Variants in ADAM11 observed in about 807,000 individuals in gnomAD.
ADAM11 encodes the protein disintegrin and metalloproteinase domain-containing protein 11.
ADAM11 carries 49 observed loss-of-function variants against 119.1 expected under a neutral mutation model. The ratio of observed to expected loss-of-function variants is 0.41; its 90% CI spans 0.33 to 0.52. The LOEUF is 0.52. Among genes scored for constraint, ADAM11 ranks in the 20% least tolerant of loss-of-function variants. ADAM11 has a pLI of 0.20. For missense variants in ADAM11, 777 were observed against 1,047.5 expected (o/e 0.74, Z 3.56); for synonymous variants, 364 against 408.0 (o/e 0.89, Z 1.30).
At position 44,775,322 on chromosome 17, in the gene ADAM11, C is replaced by T. The variant is rs1382052044; in HGVS notation, c.1320+11C>T. 1.2e-6 allele frequency: 2 copies of T among 1,613,572 alleles called. No homozygotes were observed. Among genetic ancestry groups the T allele is most frequent in the East Asian group, 2.2e-5 (1 of 44,884 alleles). On this transcript the variant is annotated intron_variant, in intron 15 of 26. Coordinates refer to ENST00000200557, the MANE Select transcript of ADAM11 (RefSeq NM_002390.6). This position sits in a 1 kb window ranked among gnomAD's most constrained non-coding sequence, Gnocchi z 7.5. ...AACAAGCCCCTCAAGGTACCAGCCC[C>T]GCGGCGGGGAGCATGGGAGCGGGCC...
In ADAM11 at chr17:44,771,678, G is replaced by A. The variant is rs898905561; in HGVS notation, c.467+9G>A. The stretch of plus-strand genomic sequence containing the variant: ...ACCTGCCAGGGGCTGCAGTGAGTAT[G>A]GGGAGGGGCCGGGCAGCTGGGAGAA... On this transcript the variant is annotated intron_variant, in intron 5 of 26. Coordinates refer to ENST00000200557, the MANE Select transcript of ADAM11 (RefSeq NM_002390.6). 3 of 1,612,486 alleles carry A rather than the reference G, an allele frequency of 1.9e-6. No homozygotes were observed. The highest frequency in any genetic ancestry group is 1.7e-6 in the Non-Finnish European group (2 of 1,179,478).
intron 2 of ADAM11, among the ~76,000 whole-genome samples, chr17:44,767,094 C>A (rs990002727): frequency 3.9e-5 from 6 of 152,040 alleles, no homozygotes; most frequent in Admixed American, 3.3e-4. Flanking sequence ...CATGGTGGCT[C>A]ACATTTGCAA....
intron 26 of ADAM11, 63 bp from the exon 27 acceptor site, chr17:44,779,676 G>C: frequency 6.4e-7 from 1 of 1,557,258 alleles, no homozygotes; most frequent in Non-Finnish European, 8.6e-7. Context: ...CCGGGGCCCT[G>C]CTGGGGGGCT....
Position 44,774,316 on chromosome 17 carries a change from G to A in ADAM11, c.1014G>A (p.Thr338=), listed in dbSNP as rs755256005. The A allele has an allele frequency of 1.9e-5, 28 of 1,472,114 alleles. No individual in the cohort carries two copies. Among genetic ancestry groups the A allele is most frequent in the Non-Finnish European group, 2.5e-5 (28 of 1,107,950 alleles). 91.2% of individuals were successfully genotyped at this position (1,472,114 alleles called of 1,614,324 possible). ...CCAGGGGCAGGACCTTCCAGAGCAC[G>A]AGCAGCGGGGCAGCCTACGTGGGGG... is the stretch of plus-strand genomic sequence containing the variant. ...HLFSGRTFQS[T]SSGAAYVGGI... is the part of the protein sequence containing the mutation. Residue 338 remains threonine (T), a synonymous_variant, in exon 12 of 27, where the codon ACG becomes ACA. Coordinates refer to ENST00000200557, the MANE Select transcript of ADAM11 (RefSeq NM_002390.6).
At chr17:44,763,713 TTTTC>T (rs1186401174) in intron 2 of ADAM11, among the ~76,000 whole-genome samples, 1 of 151,592 alleles carries the variant, frequency 6.6e-6, no homozygotes, top group Admixed American at 6.6e-5. Flanking sequence ...GGGGATCTTG[TTTTC>T]TTTCTTTTTT....
Position 44,771,781 on chromosome 17 carries a change from A to G in ADAM11, c.493A>G (p.Thr165Ala), listed in dbSNP as rs753917230. The G allele has an allele frequency of 6.2e-7, 1 of 1,613,554 alleles. No homozygotes were observed. Residue 165 changes from threonine (T) to alanine (A), a missense_variant, in exon 6 of 27, where the codon ACT (threonine) becomes GCT (alanine). Physicochemically the swap from Thr to Ala is moderately conservative, Grantham distance 58. Transcript: ENST00000200557. ...TGGGGTCTTCTCTGATGGGAACTTG[A>G]CTTACATCGTGGAGCCCCAAGAGGT... The part of the protein sequence containing the change: ...LHGVFSDGNL[T>A]YIVEPQEVAG...
Position 44,776,966 on chromosome 17 carries a change from A to T in ADAM11, c.1681+4A>T. On this transcript the variant is annotated splice_donor_region_variant and intron_variant, in intron 20 of 26. Coordinates refer to ENST00000200557, the MANE Select transcript of ADAM11 (RefSeq NM_002390.6). This position sits in a 1 kb window ranked among gnomAD's most constrained non-coding sequence, Gnocchi z 5.2. ...TGCCAGGTTCTTTGGGGCCATGGTG[A>T]GTCTGGCTAGGGCTGGGAGTGGGGA... 6.2e-7 allele frequency: 1 copy of T among 1,611,644 alleles called. No individual in the cohort carries two copies. The highest frequency in any genetic ancestry group is 1.7e-4 in the Middle Eastern group (1 of 6,032).
At position 44,774,548 on chromosome 17, in the gene ADAM11, G is replaced by A. The variant is rs138962756; in HGVS notation, c.1134G>A (p.Leu378=). Residue 378 remains leucine (L), a synonymous_variant, in exon 13 of 27, where the codon CTG becomes CTA. Coordinates refer to ENST00000200557, the MANE Select transcript of ADAM11 (RefSeq NM_002390.6). The part of the protein sequence containing the change: ...VTLAQTLGQN[L]GMMWNKHRSS... ...TTGCCCAGACGCTGGGACAGAACCT[G>A]GGCATGATGTGGAACAAACACCGGA... 3 of 1,613,444 alleles carry A rather than the reference G, an allele frequency of 1.9e-6. No homozygotes were observed. In the African/African-American group the frequency reaches 4.0e-5, roughly 22 times the overall value.
Position 44,772,411 on chromosome 17 carries a change from C to T in ADAM11, c.623C>T (p.Ala208Val), listed in dbSNP as rs777073406. 1 of 1,578,630 alleles carries T rather than the reference C, an allele frequency of 6.3e-7. No individual in the cohort carries two copies. The highest frequency in any genetic ancestry group is 2.3e-5 in the East Asian group (1 of 43,086). ...LGCREPGCLF[A>V]VPAQSAPPNR... ...CCCCTCCCCACAGGCTGCCTGTTTGCTGTGCCTGCCCAGTCGGCTCCTCCA... is the reference window on the plus strand; with the variant it reads ...CCCCTCCCCACAGGCTGCCTGTTTGTTGTGCCTGCCCAGTCGGCTCCTCCA... The change falls in exon 8 of 27, where the codon GCT (alanine) becomes GTT (valine). Residue 208 changes from alanine (A) to valine (V), a missense_variant. This residue lies in a region of ADAM11 where 278 missense variants were observed against 310.1 expected (regional missense o/e 0.90). Transcript: ENST00000200557. This position sits in a 1 kb window ranked among gnomAD's most constrained non-coding sequence, Gnocchi z 4.5.
In ADAM11 at chr17:44,777,643, G is replaced by C. The variant is rs367548156; in HGVS notation, c.1901+42G>C. ...AGACTAGGGAGGGGAGGTTGCAGCT[G>C]TGCTGGGGGTTAGGAGACAGGGGGC... On this transcript the variant is annotated intron_variant, in intron 22 of 26. Transcript: ENST00000200557. This position sits in a 1 kb window ranked among gnomAD's most constrained non-coding sequence, Gnocchi z 5.1. 2.6e-5 allele frequency: 42 copies of C among 1,613,658 alleles called. No individual in the cohort carries two copies. Among genetic ancestry groups the C allele is most frequent in the Non-Finnish European group, 3.4e-5 (40 of 1,179,818 alleles).
Position 44,772,307 on chromosome 17 carries a change from C to T in ADAM11, c.584C>T (p.Pro195Leu), listed in dbSNP as rs1349021367. The T allele has an allele frequency of 6.2e-7, 1 of 1,606,118 alleles. No individual in the cohort carries two copies. Among genetic ancestry groups the T allele is most frequent in the African/African-American group, 1.3e-5 (1 of 74,900 alleles). Residue 195 changes from proline (P) to leucine (L), a missense_variant, in exon 7 of 27, where the codon CCA (proline) becomes CTA (leucine). By Grantham distance (98) the Pro-to-Leu change is moderately conservative (BLOSUM62 -3). Around this residue, in one of 4 missense-constraint regions of ADAM11, gnomAD observed 278 missense variants for 310.1 expected, o/e 0.90. Transcript: ENST00000200557. This position sits in a 1 kb window ranked among gnomAD's most constrained non-coding sequence, Gnocchi z 4.5. ...PHLIYRTPLL[P>L]DPLGCREPGC... ...CTCATTTACCGGACCCCTCTCCTCC[C>T]AGATCCCCTCGGATGCAGGGAACCA...
Position 44,771,682 on chromosome 17 carries a change from A to AG in ADAM11, c.467+17dup. The AG allele has an allele frequency of 1.9e-6, 3 of 1,612,182 alleles. No homozygotes were observed. The highest frequency in any genetic ancestry group is 2.5e-6 in the Non-Finnish European group (3 of 1,179,340). ...GCCAGGGGCTGCAGTGAGTATGGGG[A>AG]GGGGCCGGGCAGCTGGGAGAAGCCT... On this transcript the variant is annotated intron_variant, in intron 5 of 26. Coordinates refer to ENST00000200557, the MANE Select transcript of ADAM11 (RefSeq NM_002390.6).
chr17:44,770,228 G>A (rs563569993), intron 4 of ADAM11, among the ~76,000 whole-genome samples, 180 bp downstream of exon 4: 2 of 152,328 alleles, frequency 1.3e-5, no homozygotes, highest in African/African-American at 4.8e-5. Flanking sequence ...GGCAGCTTGA[G>A]TGCATAGGGC....
chr17:44,777,460 C>G lies in ADAM11; in HGVS notation c.1782-22C>G, dbSNP rs1400881641. 1.2e-6 allele frequency: 2 copies of G among 1,611,202 alleles called. No homozygotes were observed. The highest frequency in any genetic ancestry group is 3.3e-5 in the Admixed American group (2 of 60,000). ...AGTCTGAGGTCAAACTTGGGGCTCA[C>G]TGTCTCTATATGCCCCAACAGGGAC... is the stretch of plus-strand genomic sequence containing the variant. On this transcript the variant is annotated intron_variant, in intron 21 of 26. Coordinates refer to ENST00000200557, the MANE Select transcript of ADAM11 (RefSeq NM_002390.6). The surrounding 1 kb of genome is among the most constrained non-coding windows in gnomAD (Gnocchi z 5.1).
In ADAM11 at chr17:44,781,024, T is replaced by G. The variant is rs1272332896; in HGVS notation, c.*1270T>G. 2 of 152,286 alleles carry G rather than the reference T, an allele frequency of 1.3e-5. No homozygotes were observed. Among genetic ancestry groups the G allele is most frequent in the Admixed American group, 1.3e-4 (2 of 15,246 alleles). 9.4% of individuals were successfully genotyped at this position (152,286 alleles called of 1,614,324 possible). On this transcript the variant is annotated 3_prime_UTR_variant, in exon 27 of 27. Coordinates refer to ENST00000200557, the MANE Select transcript of ADAM11 (RefSeq NM_002390.6). The stretch of plus-strand genomic sequence containing the variant: ...CCCTCATGACCCTTGCTTGGGAGGG[T>G]GGAGCACTGGCTCCTTGACCCTAAA...
intron 11 of ADAM11, 29 bp from the exon 12 acceptor site, chr17:44,774,265 AG>A: frequency 7.0e-7 from 1 of 1,420,184 alleles, no homozygotes; most frequent in Non-Finnish European, 9.3e-7. Context: ...GGAGGGCAGG[AG>A]GCCATCCTGA....
chr17:44,763,672 C>T (rs2049415231), intron 2 of ADAM11, among the ~76,000 whole-genome samples: 1 of 151,858 alleles, frequency 6.6e-6, no homozygotes, highest in Non-Finnish European at 1.5e-5. Flanking sequence ...AATCTGTGGG[C>T]TTATGGGGCC....
chr17:44,766,791 G>A (rs980178357), intron 2 of ADAM11, among the ~76,000 whole-genome samples: 2 of 152,176 alleles, frequency 1.3e-5, no homozygotes, highest in Non-Finnish European at 2.9e-5. Flanking sequence ...GCTGAGGGCT[G>A]GCATGACCTC....
Position 44,777,316 on chromosome 17 carries a change from A to T in ADAM11, c.1781+51A>T. On this transcript the variant is annotated intron_variant, in intron 21 of 26. Coordinates refer to ENST00000200557, the MANE Select transcript of ADAM11 (RefSeq NM_002390.6). This position sits in a 1 kb window ranked among gnomAD's most constrained non-coding sequence, Gnocchi z 5.1. ...CTCTCAGCTCCAGGGCAGGTGTGAG[A>T]CTTTTCAGAGATGGGGCAGCAGGTT... 1 of 1,561,350 alleles carries T rather than the reference A, an allele frequency of 6.4e-7. No homozygotes were observed. The highest frequency in any genetic ancestry group is 8.7e-7 in the Non-Finnish European group (1 of 1,149,394).
Sources: gnomAD v4.1 joint callset for allele counts (sites outside exome capture counted in the v4.1 genomes callset) on GRCh38, gnomAD v4.1.1 for gene constraint, gnomAD v4.1.1 regional missense constraint, Gnocchi (gnomAD v3.1) non-coding constraint, MANE v1.5 for transcripts, NCBI Gene and HGNC (gene_info 2026-07-23, HGNC 2026-07-21) for gene names.